SLC24A2: variants seen among roughly 807,000 people sequenced by gnomAD.
The protein encoded by SLC24A2 is solute carrier family 24 member 2, also known as sodium/potassium/calcium exchanger 2.
A neutral mutation model predicts 62.0 loss-of-function variants in SLC24A2; 36 were observed. That is an observed-to-expected ratio of 0.58 (90% CI 0.44 to 0.77). The LOEUF (loss-of-function observed/expected upper bound fraction) is 0.77. SLC24A2 is among the 30% of genes least tolerant of loss of function. SLC24A2 has a pLI of 0.00. For synonymous variants in SLC24A2, 358 were observed against 294.0 expected (o/e 1.22, Z -2.23); for missense variants, 846 against 817.9 (o/e 1.03, Z -0.42).
chr9:19,646,050 T>C (rs935579370), intron 2 of SLC24A2, among the ~76,000 whole-genome samples: 1 of 152,116 alleles, frequency 6.6e-6, no homozygotes, highest in African/African-American at 2.4e-5. Flanking sequence ...CTAGGAAGAT[T>C]AAATGGGACA....
the SLC24A2 span, among the ~76,000 whole-genome samples, chr9:20,093,133 G>T: frequency 2.0e-5 from 3 of 151,356 alleles, no homozygotes; most frequent in Non-Finnish European, 4.4e-5. Flanking sequence ...GCGCAGTAGC[G>T]CAATCTCGAC....
intron 5 of SLC24A2, among the ~76,000 whole-genome samples, chr9:19,592,503 T>C (rs865939351): frequency 0.042 from 5,130 of 121,912 alleles, 175 homozygotes; most frequent in African/African-American, 0.1. Context: ...CCCACCTACC[T>C]ACCTACCTAC....
chr9:20,221,323 GT>G, the SLC24A2 span, among the ~76,000 whole-genome samples: 3 of 152,016 alleles, frequency 2.0e-5, no homozygotes, highest in Non-Finnish European at 2.9e-5. Flanking sequence ...GTGATGAGAA[GT>G]GGCCATTTTC....
chr9:19,558,746 A>G (rs1835236395), intron 7 of SLC24A2, among the ~76,000 whole-genome samples: 1 of 152,222 alleles, frequency 6.6e-6, no homozygotes, highest in Non-Finnish European at 1.5e-5. Context: ...TAAACAAGGA[A>G]CTATCCTGCT....
the SLC24A2 span, among the ~76,000 whole-genome samples, chr9:20,299,783 T>G: frequency 6.6e-6 from 1 of 152,346 alleles, no homozygotes; most frequent in Non-Finnish European, 1.5e-5. Flanking sequence ...AGGGAGAAAC[T>G]TGCTCGATGT....
chr9:20,283,166 T>C, the SLC24A2 span, among the ~76,000 whole-genome samples: 4 of 152,350 alleles, frequency 2.6e-5, no homozygotes, highest in South Asian at 6.2e-4. Context: ...GAAAAAATCA[T>C]ATTTTAATTT....
chr9:19,626,899 AAT>A (rs1388415846), intron 2 of SLC24A2, among the ~76,000 whole-genome samples: 1 of 152,224 alleles, frequency 6.6e-6, no homozygotes, highest in Non-Finnish European at 1.5e-5. Context: ...AAAGTCCTCA[AAT>A]CTGAAATATA....
intron 5 of SLC24A2, among the ~76,000 whole-genome samples, chr9:19,586,323 T>A (rs1836370474): frequency 6.6e-6 from 1 of 152,190 alleles, no homozygotes; most frequent in Non-Finnish European, 1.5e-5. Context: ...AGGCTGGTCC[T>A]CACAAGTGTT....
At chr9:19,657,262 T>C (rs1409266604) in intron 2 of SLC24A2, among the ~76,000 whole-genome samples, 1 of 152,202 alleles carries the variant, frequency 6.6e-6, no homozygotes, top group East Asian at 1.9e-4. Flanking sequence ...TCCACCATTA[T>C]TGTTTTAAAT....
rs1823265521 is a variant in SLC24A2, at chr9:19,789,012, A to G, written c.-281T>C. 1 of 940,030 alleles carries G rather than the reference A, an allele frequency of 1.1e-6. No homozygotes were observed. Among genetic ancestry groups the G allele is most frequent in the African/African-American group, 1.8e-5 (1 of 56,454 alleles). The allele number at this position is 940,030 out of a possible 1,614,324, so 58.2% of individuals were successfully genotyped here. On this transcript the variant is annotated 5_prime_UTR_variant, in exon 1 of 11. Coordinates refer to ENST00000341998, the MANE Select transcript of SLC24A2 (RefSeq NM_020344.4). ...GCTCGCACTGGCTGCCGCTCTCGCC[A>G]GCCGGGCTGGGTTCGGGAGGAGACT...
the SLC24A2 span, among the ~76,000 whole-genome samples, chr9:20,063,010 A>G: frequency 2.5e-5 from 3 of 118,878 alleles, no homozygotes; most frequent in South Asian, 3.1e-4. Flanking sequence ...TGGAGAGGAT[A>G]TGGAGAAATA....
At chr9:19,548,353 G>C (rs1040991212) in intron 8 of SLC24A2, among the ~76,000 whole-genome samples, 11 of 152,240 alleles carry the variant, frequency 7.2e-5, no homozygotes, top group African/African-American at 2.2e-4. Flanking sequence ...CCTGGGTCTG[G>C]ATCTCAGCCC....
Position 19,513,184 on chromosome 9 carries a change from A to ATATATT in SLC24A2, c.*2968_*2969insAATATA, listed in dbSNP as rs1554665754. The ATATATT allele has an allele frequency of 1.1e-5, 1 of 93,448 alleles. No homozygotes were observed. The highest frequency in any genetic ancestry group is 4.1e-5 in the African/African-American group (1 of 24,628). The allele number at this position is 93,448 out of a possible 1,614,324, so 5.8% of individuals were successfully genotyped here. On this transcript the variant is annotated 3_prime_UTR_variant, in exon 11 of 11. Coordinates refer to ENST00000341998, the MANE Select transcript of SLC24A2 (RefSeq NM_020344.4). ...TATATATATATATATATGTATATAT[A>ATATATT]TATATATGTATATATTTATATATGT... is the stretch of plus-strand genomic sequence containing the variant.
At chr9:20,183,323 T>C in the SLC24A2 span, among the ~76,000 whole-genome samples, 1 of 152,136 alleles carries the variant, frequency 6.6e-6, no homozygotes, top group East Asian at 1.9e-4. Context: ...GGATCATAAA[T>C]ATAAGAAAGA....
chr9:19,565,769 A>G (rs1835624615), intron 7 of SLC24A2, among the ~76,000 whole-genome samples: 2 of 152,216 alleles, frequency 1.3e-5, no homozygotes, highest in African/African-American at 2.4e-5. Context: ...AAACAGAAAT[A>G]TAGACCAATG....
the SLC24A2 span, among the ~76,000 whole-genome samples, chr9:20,268,374 G>T: frequency 6.6e-6 from 1 of 152,176 alleles, no homozygotes; most frequent in African/African-American, 2.4e-5. Context: ...GGGAGATGGG[G>T]CCTTTAAGAG....
chr9:19,670,395 C>G (rs754260841), intron 2 of SLC24A2, among the ~76,000 whole-genome samples: 32 of 152,130 alleles, frequency 2.1e-4, no homozygotes, highest in South Asian at 4.1e-4. Flanking sequence ...AAAATCAACT[C>G]TACAAAAACC....
the SLC24A2 span, among the ~76,000 whole-genome samples, chr9:19,970,725 A>G: frequency 6.6e-6 from 1 of 152,300 alleles, no homozygotes; most frequent in African/African-American, 2.4e-5. Context: ...TAAAAAATGA[A>G]TCTATTTTCT....
chr9:19,966,703 A>G, the SLC24A2 span, among the ~76,000 whole-genome samples: 5 of 152,190 alleles, frequency 3.3e-5, no homozygotes, highest in African/African-American at 1.2e-4. Context: ...TCAATACAGG[A>G]AAGTGTTGGA....
Sources: allele counts gnomAD v4.1 joint callset (sites outside exome capture counted in the v4.1 genomes callset), GRCh38; gene constraint gnomAD v4.1.1; transcripts MANE v1.5; gene names NCBI Gene and HGNC (gene_info 2026-07-23, HGNC 2026-07-21).